The following ACTL6A variants were observed in gnomAD, a reference collection of about 807,000 sequenced individuals.
ACTL6A encodes actin like 6A.
Under a neutral mutation model 59.2 loss-of-function variants are expected in ACTL6A, and 5 were observed. That is an observed-to-expected ratio of 0.08 (90% CI 0.04 to 0.18). The LOEUF is 0.18. Among genes scored for constraint, ACTL6A ranks in the 10% least tolerant of loss-of-function variants. The pLI, the probability that ACTL6A is intolerant of heterozygous loss-of-function variation, is 1.00. For missense variants in ACTL6A, 285 were observed against 526.9 expected, an observed-to-expected ratio of 0.54 and a Z score of 4.49; for synonymous variants, 154 against 171.8, an observed-to-expected ratio of 0.90 and a Z score of 0.81.
At position 179,570,029 on chromosome 3, in the gene ACTL6A, A is replaced by C; in HGVS notation, c.103-38A>C. On this transcript the variant is annotated intron_variant, in intron 2 of 13. Transcript: ENST00000429709. The surrounding 1 kb of genome is among the most constrained non-coding windows in gnomAD (Gnocchi z 4.3). ...TGGGGAAAAAATGCCTTCTTGATGAAAGGTGAAACTTGTATGTCATGTTTC... is the reference window on the plus strand; with the variant it reads ...TGGGGAAAAAATGCCTTCTTGATGACAGGTGAAACTTGTATGTCATGTTTC... The C allele has an allele frequency of 6.3e-7, 1 of 1,595,220 alleles. No homozygotes were observed. Among genetic ancestry groups the C allele is most frequent in the Admixed American group, 1.8e-5 (1 of 56,010 alleles).
Position 179,580,916 on chromosome 3 carries a change from G to C in ACTL6A, c.853G>C (p.Val285Leu). 3 of 1,586,874 alleles carry C rather than the reference G, an allele frequency of 1.9e-6. No individual in the cohort carries two copies. The highest frequency in any genetic ancestry group is 2.6e-6 in the Non-Finnish European group (3 of 1,173,962). ...CAGAGTGGCTGCACAGATGCCAACT[G>C]TTCATTATGAATTCCCCAATGGCTA... is the stretch of plus-strand genomic sequence containing the variant. ...DEQVAAQMPT[V>L]HYEFPNGYNC... Residue 285 changes from valine to leucine, a missense_variant, in exon 10 of 14, where the codon GTT becomes CTT. Coordinates refer to ENST00000429709, the MANE Select transcript of ACTL6A (RefSeq NM_004301.5).
chr3:179,580,552 TCAGAA>T, intron 8 of ACTL6A, 83 bp from the exon 9 acceptor site: 1 of 940,680 alleles, frequency 1.1e-6, no homozygotes, highest in East Asian at 2.7e-5. Flanking sequence ...CCAATTTCAT[TCAGAA>T]AAGTATTTAA....
intron 1 of ACTL6A, among the ~76,000 whole-genome samples, chr3:179,567,658 T>G (rs1389791408): frequency 1.3e-5 from 2 of 152,138 alleles, no homozygotes; most frequent in South Asian, 4.1e-4. Context: ...AGTATTAAAT[T>G]TTACCAACTC....
At chr3:179,563,208 C>T in intron 1 of ACTL6A, 91 bp downstream of exon 1, 1 of 1,519,038 alleles carries the variant, frequency 6.6e-7, no homozygotes, top group Non-Finnish European at 8.8e-7. Context: ...CCGGCGTTCC[C>T]TTCCGGTCTC....
chr3:179,565,977 G>A (rs1385258839), intron 1 of ACTL6A, among the ~76,000 whole-genome samples: 1 of 152,114 alleles, frequency 6.6e-6, no homozygotes, highest in Non-Finnish European at 1.5e-5. Flanking sequence ...TCGATTGAAG[G>A]CAGTGGCAAT....
chr3:179,570,673 G>A lies in ACTL6A; in HGVS notation c.277+432G>A, dbSNP rs1717977204. On this transcript the variant is annotated intron_variant, in intron 3 of 13. Transcript: ENST00000429709. The surrounding 1 kb of genome is among the most constrained non-coding windows in gnomAD (Gnocchi z 4.3). The stretch of plus-strand genomic sequence containing the variant: ...AAGGGACCAGCATGTGTGAAGGGAT[G>A]GAATTGTGAAAGAAACTTATGTGCT... 6.6e-6 allele frequency among the ~76,000 whole-genome samples: 1 copy of A among 152,166 alleles called. No individual in the cohort carries two copies. The highest frequency in any genetic ancestry group is 1.5e-5 in the Non-Finnish European group (1 of 68,038).
intron 5 of ACTL6A, chr3:179,575,223 C>G: frequency 2.8e-6 from 1 of 356,790 alleles, no homozygotes. Context: ...ACTTTCAGAC[C>G]GTGCTGAGGT....
At chr3:179,575,509 G>A (rs1471830738) in intron 5 of ACTL6A, 1 of 452,234 alleles carries the variant, frequency 2.2e-6, no homozygotes, top group East Asian at 7.0e-5. Flanking sequence ...TGCCAGGTGA[G>A]CAGCCTCCCT....
intron 11 of ACTL6A, among the ~76,000 whole-genome samples, chr3:179,581,783 C>T (rs1407546360): frequency 3.3e-5 from 5 of 152,168 alleles, no homozygotes; most frequent in Non-Finnish European, 7.4e-5. Flanking sequence ...ATATACTTCA[C>T]TCATTATCAG....
rs1560013661 is a variant in ACTL6A, at chr3:179,580,722, G to GTA, written c.830+24_830+25dup. On this transcript the variant is annotated intron_variant, in intron 9 of 13. Transcript: ENST00000429709. ...GAACAGTATGTTTTCTTATTAAAAT[G>GTA]TATACTTTATAAATGAGGAAAGGAT... The GTA allele has an allele frequency of 2.0e-6, 3 of 1,536,200 alleles. No homozygotes were observed. In the Admixed American group the frequency reaches 5.6e-5, roughly 28 times the overall value.
At chr3:179,566,132 G>A (rs1717827780) in intron 1 of ACTL6A, among the ~76,000 whole-genome samples, 1 of 152,236 alleles carries the variant, frequency 6.6e-6, no homozygotes, top group African/African-American at 2.4e-5. Context: ...GAGATCAGCA[G>A]TGCTTCAGAT....
intron 11 of ACTL6A, 135 bp from the exon 12 acceptor site, chr3:179,583,214 ATTAG>A (rs1718386350): frequency 3.5e-6 from 2 of 574,250 alleles, no homozygotes; most frequent in Non-Finnish European, 6.0e-6. Context: ...GGATTAAGCT[ATTAG>A]TTCTATATAA....
intron 3 of ACTL6A, among the ~76,000 whole-genome samples, chr3:179,571,443 A>C (rs908131943): frequency 6.0e-5 from 8 of 134,150 alleles, no homozygotes; most frequent in Non-Finnish European, 1.3e-4. Flanking sequence ...AAAAAAAAAA[A>C]ACAAGCTTAT....
intron 1 of ACTL6A, among the ~76,000 whole-genome samples, chr3:179,567,441 G>C (rs1314700457): frequency 6.6e-6 from 1 of 152,146 alleles, no homozygotes; most frequent in Admixed American, 6.5e-5. Flanking sequence ...GAGGTACTAG[G>C]GGTTAGGATT....
Position 179,575,367 on chromosome 3 carries a change from T to C in ACTL6A, c.477-850T>C, listed in dbSNP as rs140822053. On this transcript the variant is annotated intron_variant, in intron 5 of 13. Transcript: ENST00000429709. Reference sequence around the variant, plus strand: ...AATAGGTTTCCCTTTTACATCACCATCTTCCCTGGGACATCCTGAGCTTTT... The same window carrying C: ...AATAGGTTTCCCTTTTACATCACCACCTTCCCTGGGACATCCTGAGCTTTT... 5.8e-4 allele frequency: 267 copies of C among 456,644 alleles called. 1 individual carries two copies. The highest frequency in any genetic ancestry group is 3.7e-3 in the African/African-American group (187 of 50,178). 28.3% of individuals were successfully genotyped at this position (456,644 alleles called of 1,614,324 possible). A position where few individuals can be genotyped will look rare whatever the true frequency, so the allele number is the denominator to read the frequency against.
chr3:179,571,608 G>C (rs905355264), intron 3 of ACTL6A, among the ~76,000 whole-genome samples: 1 of 152,208 alleles, frequency 6.6e-6, no homozygotes. Flanking sequence ...AGGGGATGAT[G>C]AAGTCCAGAT....
intron 1 of ACTL6A, among the ~76,000 whole-genome samples, chr3:179,564,051 C>T (rs148614729): frequency 1.3e-5 from 2 of 152,308 alleles, no homozygotes; most frequent in East Asian, 3.9e-4. Context: ...TAAAGTCTGG[C>T]CCATGGACCA....
At chr3:179,575,263 T>C (rs1364064466) in intron 5 of ACTL6A, 2 of 404,532 alleles carry the variant, frequency 4.9e-6, no homozygotes, top group Non-Finnish European at 9.7e-6. Flanking sequence ...CGCTGTGTTC[T>C]CTTGCTTCTT....
At chr3:179,563,299 C>G in intron 1 of ACTL6A, 182 bp downstream of exon 1, 1 of 1,030,110 alleles carries the variant, frequency 9.7e-7, no homozygotes, top group Non-Finnish European at 1.4e-6. Flanking sequence ...GCTCGCCGTG[C>G]TCCTCGGGCT....
Sources: gnomAD v4.1 joint callset for allele counts (sites outside exome capture counted in the v4.1 genomes callset) on GRCh38, gnomAD v4.1.1 for gene constraint, Gnocchi (gnomAD v3.1) non-coding constraint, MANE v1.5 for transcripts, NCBI Gene and HGNC (gene_info 2026-07-23, HGNC 2026-07-21) for gene names.